Variants in TMF1 observed in about 807,000 individuals in gnomAD.
TMF1 encodes the protein TATA element modulatory factor 1, also known as TATA element modulatory factor.
Under a neutral mutation model 126.5 loss-of-function variants are expected in TMF1, and 71 were observed. The ratio of observed to expected loss-of-function variants is 0.56; its 90% CI spans 0.46 to 0.68. The LOEUF is 0.68. TMF1 is among the 30% of genes least tolerant of loss of function. The pLI, the probability that TMF1 is intolerant of heterozygous loss-of-function variation, is 0.00. For synonymous variants in TMF1, 461 were observed against 430.5 expected (o/e 1.07, Z -0.88); for missense variants, 1,259 against 1,253.2 (o/e 1.00, Z -0.07).
In TMF1 at chr3:69,047,832, T is replaced by C. The variant is rs1400770639; in HGVS notation, c.873A>G (p.Thr291=). The C allele has an allele frequency of 5.0e-6, 8 of 1,613,982 alleles. No homozygotes were observed. In the Admixed American group the frequency reaches 1.2e-4, roughly 24 times the overall value. Residue 291 remains threonine, a synonymous_variant, in exon 2 of 17, where the codon ACA becomes ACG. Coordinates refer to ENST00000398559, the MANE Select transcript of TMF1 (RefSeq NM_007114.3). ...CAGATGCAGAGAGAAGCTGAAAAGA[T>C]GTCTGCATCAAGTGAAGACTTGATT... ...DSKSSLHLMQ[T]SFQLLSASAC...
chr3:69,029,069 C>T (rs1011930861), intron 11 of TMF1, among the ~76,000 whole-genome samples: 28 of 149,696 alleles, frequency 1.9e-4, no homozygotes, highest in African/African-American at 6.9e-4. Flanking sequence ...GACGGAGTCT[C>T]GCTCTGCTGC....
intron 2 of TMF1, among the ~76,000 whole-genome samples, chr3:69,045,149 A>T (rs1466166966): frequency 2.6e-5 from 4 of 152,214 alleles, no homozygotes; most frequent in African/African-American, 9.6e-5. Context: ...TTAAAATATG[A>T]CATATTGCAT....
intron 2 of TMF1, among the ~76,000 whole-genome samples, chr3:69,046,707 A>T (rs1434134976): frequency 2.0e-5 from 3 of 152,210 alleles, no homozygotes; most frequent in Non-Finnish European, 4.4e-5. Context: ...ATTAGGTAGA[A>T]GCAATCTGTC....
chr3:69,040,783 G>A lies in TMF1; in HGVS notation c.1685-1090C>T, dbSNP rs745445454. On this transcript the variant is annotated intron_variant, in intron 5 of 16. Coordinates refer to ENST00000398559, the MANE Select transcript of TMF1 (RefSeq NM_007114.3). ...CTAAAAATACAAAAACTAGCTAGGC[G>A]TGGTGGCAGGTAGCTATAGTCTCAG... 2.0e-4 allele frequency among the ~76,000 whole-genome samples: 31 copies of A among 152,152 alleles called. 1 individual carries two copies. Among genetic ancestry groups the A allele is most frequent in the South Asian group, 4.1e-4 (2 of 4,826 alleles).
At chr3:69,030,120 A>G (rs528245007) in intron 10 of TMF1, 113 bp from the exon 11 acceptor site, 8 of 849,920 alleles carry the variant, frequency 9.4e-6, no homozygotes, top group African/African-American at 6.8e-5. Flanking sequence ...CTTAAAACTG[A>G]TAACTATTTA....
rs185749329 is a variant in TMF1 at position 69,024,072 on chromosome 3, G to T, written c.3121C>A (p.Leu1041Ile). The change falls in exon 16 of 17, where the codon CTT becomes ATT. Residue 1041 changes from leucine (L) to isoleucine (I), a missense_variant. Transcript: ENST00000398559. ...LEEKVKEIPK[L>I]RTQLRDLDQR... is the part of the protein sequence containing the mutation. ...ATACTTACTCTTAGCTGAGTTCTAA[G>T]TTTGGGTATCTCCTTCACCTTCTCT... is the stretch of plus-strand genomic sequence containing the variant. 1 of 1,607,672 alleles carries T rather than the reference G, an allele frequency of 6.2e-7. No homozygotes were observed. Among genetic ancestry groups the T allele is most frequent in the African/African-American group, 1.3e-5 (1 of 74,626 alleles).
At position 69,022,790 on chromosome 3, in the gene TMF1, A is replaced by G. The variant is rs1487814368; in HGVS notation, c.*387T>C. The G allele has an allele frequency of 1.3e-5, 2 of 153,130 alleles. No individual in the cohort carries two copies. Among genetic ancestry groups the G allele is most frequent in the Non-Finnish European group, 2.9e-5 (2 of 68,574 alleles). The allele number at this position is 153,130 out of a possible 1,614,324, so 9.5% of individuals were successfully genotyped here. On this transcript the variant is annotated 3_prime_UTR_variant, in exon 17 of 17. Transcript: ENST00000398559. Reference sequence around the variant, plus strand: ...TTTCAGTATGTTAACATTACTCTTCAAATGTTCTTAATATATATATAAACA... The same window carrying G: ...TTTCAGTATGTTAACATTACTCTTCGAATGTTCTTAATATATATATAAACA...
At chr3:69,046,137 AG>A (rs905209233) in intron 2 of TMF1, among the ~76,000 whole-genome samples, 1 of 152,210 alleles carries the variant, frequency 6.6e-6, no homozygotes, top group African/African-American at 2.4e-5. Context: ...CCACACTAAA[AG>A]TAATTTTAGA....
chr3:69,047,755 C>T lies in TMF1; in HGVS notation c.950G>A (p.Cys317Tyr), dbSNP rs757937820. The T allele has an allele frequency of 5.6e-6, 9 of 1,614,064 alleles. No individual in the cohort carries two copies. Among genetic ancestry groups the T allele is most frequent in the African/African-American group, 1.3e-5 (1 of 75,038 alleles). The change falls in exon 2 of 17, where the codon TGC (cysteine) becomes TAC (tyrosine). Residue 317 changes from cysteine (C) to tyrosine (Y), a missense_variant. Coordinates refer to ENST00000398559, the MANE Select transcript of TMF1 (RefSeq NM_007114.3). ...TCTTTCAAAAGCATCAGATGAACAG[C>T]AACTCTCAGTGAGTTTTTGGAAATC... ...LDDFQKLTES[C>Y]CSSDAFERID...
intron 5 of TMF1, among the ~76,000 whole-genome samples, 186 bp from the exon 6 acceptor site, chr3:69,039,879 G>T (rs1331128349): frequency 2.0e-5 from 3 of 152,196 alleles, no homozygotes; most frequent in Non-Finnish European, 2.9e-5. Context: ...GTAAAAGGTT[G>T]TTGGGAACTG....
chr3:69,030,015 C>T lies in TMF1; in HGVS notation c.2402-8G>A, dbSNP rs1346959958. 5 of 1,596,520 alleles carry T rather than the reference C, an allele frequency of 3.1e-6. No homozygotes were observed. The South Asian group carries it at 4.5e-5, about 14-fold the overall frequency. ...GCAAGGTCTGGGATTCACCTGATTACAGGACAGAAAAAAAAATCACATACA... is the reference window on the plus strand; with the variant it reads ...GCAAGGTCTGGGATTCACCTGATTATAGGACAGAAAAAAAAATCACATACA... On this transcript the variant is annotated splice_polypyrimidine_tract_variant and splice_region_variant and intron_variant, in intron 10 of 16. Coordinates refer to ENST00000398559, the MANE Select transcript of TMF1 (RefSeq NM_007114.3).
At chr3:69,030,269 G>A (rs1011344009) in intron 10 of TMF1, 2 of 322,782 alleles carry the variant, frequency 6.2e-6, no homozygotes, top group Admixed American at 4.7e-5. Context: ...ACACCAAATG[G>A]TCCTGGAGCA....
At position 69,021,161 on chromosome 3, in the gene TMF1, T is replaced by C. The variant is rs2091727234; in HGVS notation, c.*2016A>G. 6.6e-6 allele frequency: 1 copy of C among 152,400 alleles called. No individual in the cohort carries two copies. The highest frequency in any genetic ancestry group is 1.5e-5 in the Non-Finnish European group (1 of 68,022). 9.4% of individuals were successfully genotyped at this position (152,400 alleles called of 1,614,324 possible). A position where few individuals can be genotyped will look rare whatever the true frequency, so the allele number is the denominator to read the frequency against. On this transcript the variant is annotated 3_prime_UTR_variant, in exon 17 of 17. Transcript: ENST00000398559. ...TCACTTTTATTACAGTGCACTGTTATAATTGTTCTATTTGCAGTTATTGTT... is the reference window on the plus strand; with the variant it reads ...TCACTTTTATTACAGTGCACTGTTACAATTGTTCTATTTGCAGTTATTGTT...
At chr3:69,039,750 T>C in intron 5 of TMF1, 57 bp from the exon 6 acceptor site, 4 of 1,538,264 alleles carry the variant, frequency 2.6e-6, no homozygotes, top group South Asian at 1.2e-5. Flanking sequence ...AAAATCTCAA[T>C]AGAATGTTTT....
chr3:69,031,862 T>C (rs145127398), intron 10 of TMF1, among the ~76,000 whole-genome samples: 122 of 152,348 alleles, frequency 8.0e-4, no homozygotes, highest in African/African-American at 2.9e-3. Context: ...GTATGTAGAC[T>C]TCAGTCTAAA....
In TMF1 at chr3:69,033,997, T is replaced by C. The variant is rs561904220; in HGVS notation, c.2245-293A>G. Reference sequence around the variant, plus strand: ...CCTGGCTAATTTTTGTATTTTTTTGTAGAGACGAGGTTTCATCATGTTGCT... The same window carrying C: ...CCTGGCTAATTTTTGTATTTTTTTGCAGAGACGAGGTTTCATCATGTTGCT... On this transcript the variant is annotated intron_variant, in intron 9 of 16. Coordinates refer to ENST00000398559, the MANE Select transcript of TMF1 (RefSeq NM_007114.3). 4 of 192,616 alleles carry C rather than the reference T, an allele frequency of 2.1e-5. 1 individual carries two copies. In the Admixed American group the frequency reaches 2.3e-4, roughly 11 times the overall value. The allele number at this position is 192,616 out of a possible 1,614,324, so 11.9% of individuals were successfully genotyped here.
In TMF1 at chr3:69,023,195, T is replaced by G; in HGVS notation, c.3264A>C (p.Leu1088Phe). 2 of 1,610,884 alleles carry G rather than the reference T, an allele frequency of 1.2e-6. No homozygotes were observed. Among genetic ancestry groups the G allele is most frequent in the Non-Finnish European group, 1.7e-6 (2 of 1,178,102 alleles). ...TCACAAGTTAACTGAGACTTTGTCT[T>G]AAAAGTTCATCTATTTGAGTTTTGT... ...NMYKTQIDELLRQSLS is the reference protein window; with the variant it reads ...NMYKTQIDELFRQSLS The change falls in exon 17 of 17, where the codon TTA (leucine) becomes TTC (phenylalanine). Residue 1088 changes from leucine to phenylalanine, a missense_variant. Physicochemically the swap from Leu to Phe is conservative, Grantham distance 22. Coordinates refer to ENST00000398559, the MANE Select transcript of TMF1 (RefSeq NM_007114.3).
chr3:69,048,128 T>C lies in TMF1; in HGVS notation c.577A>G (p.Ser193Gly). The change falls in exon 2 of 17, where the codon AGT (serine) becomes GGT (glycine). Residue 193 changes from serine to glycine, a missense_variant. Coordinates refer to ENST00000398559, the MANE Select transcript of TMF1 (RefSeq NM_007114.3). ...KESDMKVPTV[S>G]LKVSESVIDV... ...ATTACACTTTCAGATACTTTCAAACTTACAGTTGGCACCTTCATATCCGAT... is the reference window on the plus strand; with the variant it reads ...ATTACACTTTCAGATACTTTCAAACCTACAGTTGGCACCTTCATATCCGAT... 3 of 1,614,216 alleles carry C rather than the reference T, an allele frequency of 1.9e-6. No homozygotes were observed. The highest frequency in any genetic ancestry group is 2.5e-6 in the Non-Finnish European group (3 of 1,180,028).
intron 8 of TMF1, among the ~76,000 whole-genome samples, chr3:69,038,164 T>A (rs181271701): frequency 3.3e-5 from 5 of 152,360 alleles, no homozygotes; most frequent in Non-Finnish European, 7.3e-5. Flanking sequence ...AACTGATGAT[T>A]TGATAAGACA....
Sources: allele counts gnomAD v4.1 joint callset (sites outside exome capture counted in the v4.1 genomes callset), GRCh38; gene constraint gnomAD v4.1.1; transcripts MANE v1.5; gene names NCBI Gene and HGNC (gene_info 2026-07-23, HGNC 2026-07-21).